The following CDC42BPB variants were observed in gnomAD, a reference collection of about 807,000 sequenced individuals.
CDC42BPB encodes serine/threonine-protein kinase MRCK beta.
CDC42BPB carries 37 observed loss-of-function variants against 214.9 expected under a neutral mutation model. The ratio of observed to expected loss-of-function variants is 0.17; its 90% CI spans 0.13 to 0.23. The LOEUF is 0.23. Ranked by LOEUF, CDC42BPB falls within the 10% of genes least tolerant of loss-of-function variation. The probability of loss-of-function intolerance (pLI) is 1.00; values close to 1 mark genes in which losing one functional copy is unlikely to be tolerated. For missense variants in CDC42BPB, 1,694 were observed against 2,227.0 expected (o/e 0.76, Z 4.82); for synonymous variants, 931 against 884.0 (o/e 1.05, Z -0.94).
At chr14:103,022,471 C>T (rs993504616) in intron 1 of CDC42BPB, among the ~76,000 whole-genome samples, 15 of 152,288 alleles carry the variant, frequency 9.8e-5, no homozygotes, top group Middle Eastern at 3.4e-3. Context: ...AACGGATCCT[C>T]CCAGTCTCCC....
At chr14:102,949,698 C>G (rs571952872) in intron 26 of CDC42BPB, 67 bp downstream of exon 26, 62 of 1,594,696 alleles carry the variant, frequency 3.9e-5, no homozygotes, top group Non-Finnish European at 5.3e-5. Context: ...AGGAACACAC[C>G]GTCCTTTTGG....
rs1482265337 is a variant in CDC42BPB, at chr14:103,057,395, TCTC to T, written c.-225_-223del. ...CGGGCCCCGCGGGTCCATGGGCCGC[TCTC>T]CTCCCCTCGGCGCCGCCGCCCTCCC... On this transcript the variant is annotated 5_prime_UTR_variant, in exon 1 of 37. Transcript: ENST00000361246. 2.3e-6 allele frequency: 2 copies of T among 856,322 alleles called. No individual in the cohort carries two copies. The highest frequency in any genetic ancestry group is 2.8e-6 in the Non-Finnish European group (2 of 712,632). 53.0% of individuals were successfully genotyped at this position (856,322 alleles called of 1,614,324 possible).
At position 103,001,593 on chromosome 14, in the gene CDC42BPB, T is replaced by C. The variant is rs958441163; in HGVS notation, c.448-1880A>G. Among the ~76,000 whole-genome samples, 1 of 152,142 alleles carries C rather than the reference T, an allele frequency of 6.6e-6. No individual in the cohort carries two copies. The highest frequency in any genetic ancestry group is 2.4e-5 in the African/African-American group (1 of 41,430). On this transcript the variant is annotated intron_variant, in intron 4 of 36. Coordinates refer to ENST00000361246, the MANE Select transcript of CDC42BPB (RefSeq NM_006035.4). The surrounding 1 kb of genome is among the most constrained non-coding windows in gnomAD (Gnocchi z 5.8). ...CACACTCAGAGCAGTGAGTGGGTGA[T>C]GTTCCCCAGCTACGTTCAGAAGCCC...
chr14:102,986,547 C>A lies in CDC42BPB; in HGVS notation c.630G>T (p.Val210=), dbSNP rs768053305. The part of the protein sequence containing the change: ...DIKPDNVLLD[V]NGHIRLADFG... The stretch of plus-strand genomic sequence containing the variant: ...AGTCAGCCAGGCGGATATGACCATT[C>A]ACGTCCAAAAGGACATTGTCAGGTT... Residue 210 remains valine (V), a synonymous_variant, in exon 6 of 37, where the codon GTG becomes GTT. Transcript: ENST00000361246. 19 of 1,613,920 alleles carry A rather than the reference C, an allele frequency of 1.2e-5. No homozygotes were observed. The highest frequency in any genetic ancestry group is 1.5e-5 in the Non-Finnish European group (18 of 1,179,966).
chr14:102,989,277 C>G (rs1022177178), intron 5 of CDC42BPB, among the ~76,000 whole-genome samples: 1 of 152,206 alleles, frequency 6.6e-6, no homozygotes, highest in African/African-American at 2.4e-5. Flanking sequence ...TGCAAGGAAA[C>G]AGGCACTTTC....
intron 4 of CDC42BPB, among the ~76,000 whole-genome samples, chr14:103,000,419 C>A (rs1055888082): frequency 2.0e-5 from 3 of 152,266 alleles, no homozygotes; most frequent in Non-Finnish European, 2.9e-5. Flanking sequence ...AAAGCTCAGA[C>A]CACAAAGCCC....
intron 28 of CDC42BPB, among the ~76,000 whole-genome samples, chr14:102,946,031 C>T (rs547231435): frequency 1.1e-4 from 17 of 152,060 alleles, no homozygotes; most frequent in South Asian, 6.3e-4. Context: ...TTTTTTGAGA[C>T]GGAGTCTCGG....
At position 102,964,492 on chromosome 14, in the gene CDC42BPB, C is replaced by A; in HGVS notation, c.2726+10G>T. On this transcript the variant is annotated intron_variant, in intron 19 of 36. Coordinates refer to ENST00000361246, the MANE Select transcript of CDC42BPB (RefSeq NM_006035.4). Reference sequence around the variant, plus strand: ...GCTCCTACCTGGAGTCAGACCCTGGCACCAAGTACCTTTCCAAGGTGAGGT... The same window carrying A: ...GCTCCTACCTGGAGTCAGACCCTGGAACCAAGTACCTTTCCAAGGTGAGGT... 6.2e-7 allele frequency: 1 copy of A among 1,612,956 alleles called. No homozygotes were observed. The highest frequency in any genetic ancestry group is 8.5e-7 in the Non-Finnish European group (1 of 1,179,810).
intron 27 of CDC42BPB, among the ~76,000 whole-genome samples, chr14:102,947,405 G>A (rs867647977): frequency 2.6e-5 from 4 of 152,322 alleles, no homozygotes; most frequent in Non-Finnish European, 4.4e-5. Flanking sequence ...CTGCCACAGC[G>A]CCCGCCTGGC....
At chr14:103,020,116 C>G (rs1447964281) in intron 1 of CDC42BPB, among the ~76,000 whole-genome samples, 1 of 152,242 alleles carries the variant, frequency 6.6e-6, no homozygotes, top group Non-Finnish European at 1.5e-5. Context: ...TCCGCCTCCC[C>G]CTGGATGGTT....
At chr14:103,051,588 C>CGA in intron 1 of CDC42BPB, among the ~76,000 whole-genome samples, 1 of 152,266 alleles carries the variant, frequency 6.6e-6, no homozygotes, top group Non-Finnish European at 1.5e-5. Flanking sequence ...ACCTGGCTTG[C>CGA]GACAAGAGGC....
At chr14:102,959,296 C>CAA (rs10710013) in intron 21 of CDC42BPB, among the ~76,000 whole-genome samples, 3 of 130,578 alleles carry the variant, frequency 2.3e-5, no homozygotes, top group African/African-American at 8.6e-5. Context: ...GACTCCGTCT[C>CAA]AAAAAAAAAA....
At position 103,004,028 on chromosome 14, in the gene CDC42BPB, A is replaced by G. The variant is rs370219058; in HGVS notation, c.352-5T>C. 4.4e-4 allele frequency: 701 copies of G among 1,595,970 alleles called. No individual in the cohort carries two copies. The highest frequency in any genetic ancestry group is 5.6e-4 in the Non-Finnish European group (655 of 1,175,938). ...CTCCTCTCGGAAGCACGCGGTCTGC[A>G]AAGCAACGAGGGGTGTCAGTCTGTG... On this transcript the variant is annotated splice_region_variant and splice_polypyrimidine_tract_variant and intron_variant, in intron 3 of 36. Coordinates refer to ENST00000361246, the MANE Select transcript of CDC42BPB (RefSeq NM_006035.4). This position sits in a 1 kb window ranked among gnomAD's most constrained non-coding sequence, Gnocchi z 5.3.
chr14:102,934,472 T>G (rs893435587), intron 36 of CDC42BPB, among the ~76,000 whole-genome samples: 5 of 151,864 alleles, frequency 3.3e-5, no homozygotes, highest in African/African-American at 4.8e-5. Flanking sequence ...AGGCGGAGCT[T>G]GCAGTGAGCC....
intron 1 of CDC42BPB, among the ~76,000 whole-genome samples, chr14:103,026,009 TGAA>T (rs1247880712): frequency 3.9e-5 from 6 of 152,166 alleles, no homozygotes; most frequent in Non-Finnish European, 7.3e-5. Flanking sequence ...AACCACATGC[TGAA>T]GAATAACTGT....
chr14:103,004,177 G>A lies in CDC42BPB; in HGVS notation c.352-154C>T. The A allele has an allele frequency of 2.2e-6, 3 of 1,383,314 alleles. No individual in the cohort carries two copies. Among genetic ancestry groups the A allele is most frequent in the Non-Finnish European group, 2.8e-6 (3 of 1,065,474 alleles). The allele number at this position is 1,383,314 out of a possible 1,614,324, so 85.7% of individuals were successfully genotyped here. A position where few individuals can be genotyped will look rare whatever the true frequency, so the allele number is the denominator to read the frequency against. On this transcript the variant is annotated intron_variant, in intron 3 of 36. Transcript: ENST00000361246. The surrounding 1 kb of genome is among the most constrained non-coding windows in gnomAD (Gnocchi z 5.3). Reference sequence around the variant, plus strand: ...CGTGCACCACCCCGAGGCTGCTGAGGCTGAGCCATCCCTCATCCCTTCCTC... The same window carrying A: ...CGTGCACCACCCCGAGGCTGCTGAGACTGAGCCATCCCTCATCCCTTCCTC...
chr14:102,940,575 C>T (rs1212659595), intron 30 of CDC42BPB: 5 of 1,008,946 alleles, frequency 5.0e-6, no homozygotes, highest in South Asian at 1.8e-5. Context: ...TACTACAGTA[C>T]AGATGTTGAA....
At chr14:103,016,103 C>T (rs908044691) in intron 1 of CDC42BPB, among the ~76,000 whole-genome samples, 1 of 152,178 alleles carries the variant, frequency 6.6e-6, no homozygotes, top group African/African-American at 2.4e-5. Flanking sequence ...TGCTGCTGGC[C>T]GGCACTGGGT....
intron 1 of CDC42BPB, among the ~76,000 whole-genome samples, chr14:103,049,706 TA>T: frequency 6.6e-6 from 1 of 152,318 alleles, no homozygotes; most frequent in Non-Finnish European, 1.5e-5. Context: ...GAAGTGCTGT[TA>T]ACCTTAACTT....
Sources: allele counts gnomAD v4.1 joint callset (sites outside exome capture counted in the v4.1 genomes callset), GRCh38; gene constraint gnomAD v4.1.1; non-coding constraint Gnocchi (gnomAD v3.1); transcripts MANE v1.5; gene names NCBI Gene and HGNC (gene_info 2026-07-23, HGNC 2026-07-21).